PPARGC1A: variants seen among roughly 807,000 people sequenced by gnomAD.
PPARGC1A encodes peroxisome proliferator-activated receptor gamma coactivator 1-alpha.
Under a neutral mutation model 88.7 loss-of-function variants are expected in PPARGC1A, and 25 were observed. The observed-to-expected ratio is 0.28, with a 90% CI of 0.21 to 0.39. The LOEUF is 0.39. PPARGC1A is among the 10% of genes least tolerant of loss of function. PPARGC1A has a pLI of 1.00. For missense variants in PPARGC1A, 880 were observed against 968.7 expected (o/e 0.91, Z 1.22); for synonymous variants, 363 against 355.6 (o/e 1.02, Z -0.24).
chr4:24,002,137 A>C, the PPARGC1A span, among the ~76,000 whole-genome samples: 6 of 149,356 alleles, frequency 4.0e-5, 1 homozygote, highest in African/African-American at 1.5e-4. Flanking sequence ...ACTTGAAGAC[A>C]AACATTTCTG....
At chr4:24,206,275 G>C in the PPARGC1A span, among the ~76,000 whole-genome samples, 1 of 152,184 alleles carries the variant, frequency 6.6e-6, no homozygotes, top group Non-Finnish European at 1.5e-5. Flanking sequence ...ACCCGGACCA[G>C]AGCCTTCTCA....
At chr4:23,874,509 G>A (rs1314157580) in intron 2 of PPARGC1A, among the ~76,000 whole-genome samples, 2 of 151,652 alleles carry the variant, frequency 1.3e-5, no homozygotes, top group African/African-American at 4.9e-5. Context: ...TTGTCTATTG[G>A]ACTAATTATT....
At chr4:24,101,743 C>G in the PPARGC1A span, among the ~76,000 whole-genome samples, 57 of 152,320 alleles carry the variant, frequency 3.7e-4, no homozygotes, top group Non-Finnish European at 7.2e-4. Flanking sequence ...ATATAAATGT[C>G]TTTCTTCATG....
chr4:24,431,137 A>G, the PPARGC1A span, among the ~76,000 whole-genome samples: 1 of 151,158 alleles, frequency 6.6e-6, no homozygotes, highest in Non-Finnish European at 1.5e-5. Flanking sequence ...AAAAAAAAAA[A>G]AAAAAGAGAA....
At chr4:24,262,950 C>T in the PPARGC1A span, among the ~76,000 whole-genome samples, 8 of 152,082 alleles carry the variant, frequency 5.3e-5, no homozygotes, top group Admixed American at 3.9e-4. Context: ...TAACACAGAG[C>T]GCTTCAATAT....
In PPARGC1A at chr4:23,802,296, C is replaced by T. The variant is rs148144750; in HGVS notation, c.2069G>A (p.Arg690Gln). 327 of 1,613,962 alleles carry T rather than the reference C, an allele frequency of 2.0e-4. No homozygotes were observed. The highest frequency in any genetic ancestry group is 1.5e-3 in the Middle Eastern group (9 of 6,058). ...YVGKIRPDTT[R>Q]TELRDRFEVF... ...TTCAAAACGGTCCCTCAGTTCTGTCCGTGTTGTGTCAGGTCTGATTTTACC... is the reference window on the plus strand; with the variant it reads ...TTCAAAACGGTCCCTCAGTTCTGTCTGTGTTGTGTCAGGTCTGATTTTACC... Residue 690 changes from arginine to glutamine, a missense_variant, in exon 11 of 13, where the codon CGG becomes CAG. Transcript: ENST00000264867.
intron 7 of PPARGC1A, among the ~76,000 whole-genome samples, chr4:23,822,519 G>A (rs548669020): frequency 7.9e-5 from 12 of 152,036 alleles, no homozygotes; most frequent in African/African-American, 2.7e-4. Flanking sequence ...CTTTAAACTT[G>A]AACTATGCTG....
At chr4:24,214,579 C>T in the PPARGC1A span, among the ~76,000 whole-genome samples, 1 of 152,198 alleles carries the variant, frequency 6.6e-6, no homozygotes, top group Non-Finnish European at 1.5e-5. Flanking sequence ...CTGACAGCTC[C>T]ACAGTGGTGG....
the PPARGC1A span, among the ~76,000 whole-genome samples, chr4:24,131,561 A>G: frequency 6.6e-6 from 1 of 152,238 alleles, no homozygotes; most frequent in Non-Finnish European, 1.5e-5. Context: ...ATTCTTCTAA[A>G]TATTTCTCCA....
rs1026731727 is a variant in PPARGC1A, at chr4:23,792,265, T to C, written c.*3557A>G. The C allele has an allele frequency of 2.6e-5, 4 of 152,612 alleles. No individual in the cohort carries two copies. Among genetic ancestry groups the C allele is most frequent in the African/African-American group, 9.7e-5 (4 of 41,450 alleles). The allele number at this position is 152,612 out of a possible 1,614,324, so 9.5% of individuals were successfully genotyped here. A position where few individuals can be genotyped will look rare whatever the true frequency, so the allele number is the denominator to read the frequency against. On this transcript the variant is annotated 3_prime_UTR_variant, in exon 13 of 13. Transcript: ENST00000264867. The stretch of plus-strand genomic sequence containing the variant: ...TAAAGTAGCTCCATCAAATCAGCAG[T>C]TCACATTATTGAAAATGTCTGTCAC...
chr4:24,300,324 A>ATTTTTT, the PPARGC1A span, among the ~76,000 whole-genome samples: 75 of 45,024 alleles, frequency 1.7e-3, 16 homozygotes, highest in East Asian at 2.8e-3. Flanking sequence ...ATACAATAGC[A>ATTTTTT]TTTTTTTTTT....
intron 2 of PPARGC1A, among the ~76,000 whole-genome samples, chr4:23,840,341 C>A (rs1726842755): frequency 6.6e-6 from 1 of 152,098 alleles, no homozygotes; most frequent in Non-Finnish European, 1.5e-5. Context: ...GGCAACCCCT[C>A]ATTCACCTAT....
chr4:24,093,422 G>C, the PPARGC1A span, among the ~76,000 whole-genome samples: 2 of 152,124 alleles, frequency 1.3e-5, no homozygotes, highest in Non-Finnish European at 2.9e-5. Flanking sequence ...GTAATCACAA[G>C]ACTATACCTT....
At chr4:24,321,431 A>C in the PPARGC1A span, among the ~76,000 whole-genome samples, 17 of 152,342 alleles carry the variant, frequency 1.1e-4, no homozygotes, top group Admixed American at 8.5e-4. Context: ...ATATAACTGA[A>C]GACAGGTTTT....
At chr4:24,155,266 C>T in the PPARGC1A span, among the ~76,000 whole-genome samples, 2 of 151,654 alleles carry the variant, frequency 1.3e-5, no homozygotes, top group Non-Finnish European at 2.9e-5. Flanking sequence ...ATTTGAGAAA[C>T]AAATCAATCT....
chr4:24,002,821 A>T, the PPARGC1A span, among the ~76,000 whole-genome samples: 4 of 152,266 alleles, frequency 2.6e-5, no homozygotes, highest in East Asian at 7.7e-4. Context: ...TATGCCCACT[A>T]GTGTCCCACT....
upstream of PPARGC1A, among the ~76,000 whole-genome samples, chr4:23,908,015 G>A (rs1240051734): frequency 6.6e-6 from 1 of 152,082 alleles, no homozygotes; most frequent in Non-Finnish European, 1.5e-5. Context: ...CATTTTTGAA[G>A]ATTAAAGATT....
At chr4:24,136,376 C>T in the PPARGC1A span, among the ~76,000 whole-genome samples, 1 of 152,208 alleles carries the variant, frequency 6.6e-6, no homozygotes, top group Non-Finnish European at 1.5e-5. Flanking sequence ...CGTAGAGTTA[C>T]AGTGTATCAC....
the PPARGC1A span, among the ~76,000 whole-genome samples, chr4:24,282,134 A>C: frequency 2.6e-5 from 4 of 152,208 alleles, no homozygotes; most frequent in African/African-American, 4.8e-5. Context: ...GATGATTACT[A>C]TCTACCAATT....
Sources: gnomAD v4.1 joint callset for allele counts (sites outside exome capture counted in the v4.1 genomes callset) on GRCh38, gnomAD v4.1.1 for gene constraint, MANE v1.5 for transcripts, NCBI Gene and HGNC (gene_info 2026-07-23, HGNC 2026-07-21) for gene names.